The following LRRTM4 variants were observed in gnomAD, a reference collection of about 807,000 sequenced individuals.
The protein encoded by LRRTM4 is leucine-rich repeat transmembrane neuronal protein 4.
Under a neutral mutation model 47.6 loss-of-function variants are expected in LRRTM4, and 25 were observed. The observed-to-expected ratio is 0.53, with a 90% CI of 0.38 to 0.73. The LOEUF (loss-of-function observed/expected upper bound fraction) is 0.73. Ranked by LOEUF, LRRTM4 falls within the 30% of genes least tolerant of loss-of-function variation. The pLI is 0.00. For synonymous variants in LRRTM4, 311 were observed against 269.5 expected (o/e 1.15, Z -1.51); for missense variants, 638 against 713.4 (o/e 0.89, Z 1.20).
At chr2:77,037,487 A>T (rs539714208) in intron 3 of LRRTM4, among the ~76,000 whole-genome samples, 1 of 151,776 alleles carries the variant, frequency 6.6e-6, no homozygotes, top group Non-Finnish European at 1.5e-5. Context: ...TTGTCTCTAA[A>T]TTCTTGAAAT....
chr2:76,891,904 A>G (rs763949232), intron 3 of LRRTM4, among the ~76,000 whole-genome samples: 1 of 151,758 alleles, frequency 6.6e-6, no homozygotes, highest in Non-Finnish European at 1.5e-5. Context: ...AAAAGTCAAA[A>G]TAAAATCGAG....
chr2:76,931,772 A>C lies in LRRTM4; in HGVS notation c.1552-182856T>G, dbSNP rs544874355. 1.2e-4 allele frequency among the ~76,000 whole-genome samples: 19 copies of C among 152,246 alleles called. No individual in the cohort carries two copies. The South Asian group carries it at 3.9e-3, about 32-fold the overall frequency. ...TTTTCTGTCCAGGTTTACCAGCATA[A>C]AGCTGATATTTTGCTACCAACCATA... On this transcript the variant is annotated intron_variant, in intron 3 of 3. Coordinates refer to ENST00000409884, the MANE Select transcript of LRRTM4 (RefSeq NM_001134745.3).
chr2:76,908,350 A>G (rs1468806989), intron 3 of LRRTM4, among the ~76,000 whole-genome samples: 5 of 152,056 alleles, frequency 3.3e-5, no homozygotes, highest in Non-Finnish European at 5.9e-5. Flanking sequence ...TCTCAAAATC[A>G]TAAGAGCTAT....
chr2:77,304,543 A>G (rs1677222119), intron 3 of LRRTM4, among the ~76,000 whole-genome samples: 1 of 152,094 alleles, frequency 6.6e-6, no homozygotes, highest in Non-Finnish European at 1.5e-5. Context: ...GGCAAACCTG[A>G]AAAAAATACT....
At chr2:77,433,298 T>C (rs1217791193) in intron 3 of LRRTM4, among the ~76,000 whole-genome samples, 1 of 151,992 alleles carries the variant, frequency 6.6e-6, no homozygotes, top group Non-Finnish European at 1.5e-5. Flanking sequence ...TAGGAGAGAA[T>C]AGATGAACAG....
At chr2:77,243,688 A>C (rs1351029272) in intron 3 of LRRTM4, among the ~76,000 whole-genome samples, 1 of 151,990 alleles carries the variant, frequency 6.6e-6, no homozygotes, top group African/African-American at 2.4e-5. Context: ...TTAAACTGTC[A>C]ATTTTCTTAT....
intron 3 of LRRTM4, among the ~76,000 whole-genome samples, chr2:77,020,468 C>T (rs945104488): frequency 1.3e-5 from 2 of 152,086 alleles, no homozygotes; most frequent in African/African-American, 4.8e-5. Flanking sequence ...ATCAGCTACA[C>T]AAAAAGGTTT....
intron 3 of LRRTM4, among the ~76,000 whole-genome samples, chr2:77,041,925 T>C (rs1312202521): frequency 3.0e-5 from 3 of 99,296 alleles, no homozygotes; most frequent in Non-Finnish European, 5.3e-5. Flanking sequence ...CGGAATGGAA[T>C]AAAGAGAATC....
intron 3 of LRRTM4, among the ~76,000 whole-genome samples, chr2:77,044,170 A>G (rs1679132524): frequency 2.0e-5 from 3 of 151,924 alleles, no homozygotes; most frequent in South Asian, 4.1e-4. Flanking sequence ...TAGTGCACCC[A>G]ATGCAGCAAT....
At chr2:77,493,018 G>A (rs1558769099) in intron 3 of LRRTM4, among the ~76,000 whole-genome samples, 1 of 151,860 alleles carries the variant, frequency 6.6e-6, no homozygotes, top group Non-Finnish European at 1.5e-5. Flanking sequence ...AATACATACA[G>A]CCAAAAAATA....
At chr2:77,462,082 C>T (rs1676811171) in intron 3 of LRRTM4, among the ~76,000 whole-genome samples, 2 of 152,050 alleles carry the variant, frequency 1.3e-5, no homozygotes, top group South Asian at 2.1e-4. Flanking sequence ...AGAATTGACA[C>T]TTTCTTCAGA....
intron 3 of LRRTM4, among the ~76,000 whole-genome samples, chr2:77,197,131 ATAG>A (rs1260233755): frequency 6.6e-6 from 1 of 152,178 alleles, no homozygotes; most frequent in Non-Finnish European, 1.5e-5. Flanking sequence ...AGTCATACAA[ATAG>A]TAGGCATTCT....
At chr2:77,342,257 G>A (rs76246575) in intron 3 of LRRTM4, among the ~76,000 whole-genome samples, 3 of 152,096 alleles carry the variant, frequency 2.0e-5, no homozygotes, top group East Asian at 3.9e-4. Context: ...TTTTCAACCA[G>A]GGTGGTTTTA....
At chr2:77,285,997 A>T (rs10201201) in intron 3 of LRRTM4, among the ~76,000 whole-genome samples, 17,336 of 152,124 alleles carry the variant, frequency 0.11, 1,985 homozygotes, top group African/African-American at 0.29. Context: ...TATCTTATAC[A>T]TAATTATAGA....
intron 3 of LRRTM4, among the ~76,000 whole-genome samples, chr2:77,239,876 T>C (rs1420390622): frequency 6.6e-6 from 1 of 151,822 alleles, no homozygotes; most frequent in Non-Finnish European, 1.5e-5. Context: ...AGTATAATCA[T>C]GGAAGCCCTT....
chr2:76,915,257 T>A (rs1263254980), intron 3 of LRRTM4, among the ~76,000 whole-genome samples: 1 of 152,088 alleles, frequency 6.6e-6, no homozygotes, highest in Non-Finnish European at 1.5e-5. Context: ...AGAGTATGTA[T>A]CACAAAAATC....
chr2:77,007,554 A>G (rs1321167665), intron 3 of LRRTM4, among the ~76,000 whole-genome samples: 1 of 152,180 alleles, frequency 6.6e-6, no homozygotes, highest in African/African-American at 2.4e-5. Context: ...GGTCTGAGAA[A>G]GTGTTAATCT....
intron 3 of LRRTM4, among the ~76,000 whole-genome samples, chr2:76,803,865 C>T (rs1412468566): frequency 6.6e-6 from 1 of 152,070 alleles, no homozygotes; most frequent in Middle Eastern, 3.2e-3. Flanking sequence ...CCTGATTTTC[C>T]TGTGGAAGTC....
chr2:77,202,110 A>G (rs1242346660), intron 3 of LRRTM4, among the ~76,000 whole-genome samples: 2 of 152,118 alleles, frequency 1.3e-5, no homozygotes, highest in Non-Finnish European at 2.9e-5. Context: ...GTGAGAGGAT[A>G]CCAGGAATGT....
Sources: allele counts gnomAD v4.1 joint callset (sites outside exome capture counted in the v4.1 genomes callset), GRCh38; gene constraint gnomAD v4.1.1; transcripts MANE v1.5; gene names NCBI Gene and HGNC (gene_info 2026-07-23, HGNC 2026-07-21).